The following STX18 variants were observed in gnomAD, a reference collection of about 807,000 sequenced individuals.
The protein encoded by STX18 is syntaxin 18.
In STX18, 40 loss-of-function variants were observed where a neutral mutation model predicts 50.1. The observed-to-expected ratio is 0.80, with a 90% CI of 0.62 to 1.04. The LOEUF (loss-of-function observed/expected upper bound fraction) is 1.04, where lower values mean the gene tolerates loss of function less well. STX18 is among the 50% of genes least tolerant of loss of function. The pLI is 0.00. For synonymous variants in STX18, 158 were observed against 151.8 expected (o/e 1.04, Z -0.30); for missense variants, 410 against 415.8 (o/e 0.99, Z 0.12).
chr4:4,532,463 C>G (rs952509693), intron 1 of STX18, among the ~76,000 whole-genome samples: 25 of 149,310 alleles, frequency 1.7e-4, no homozygotes, highest in African/African-American at 5.5e-4. Context: ...ACAACAACAA[C>G]AAACCAAAAC....
intron 2 of STX18, among the ~76,000 whole-genome samples, chr4:4,465,702 C>G (rs1727589345): frequency 6.6e-6 from 1 of 152,194 alleles, no homozygotes; most frequent in South Asian, 2.1e-4. Flanking sequence ...GTGCAGCAAA[C>G]CACCATGGCA....
intron 7 of STX18, chr4:4,425,437 T>C (rs1577309948): frequency 1.8e-5 from 11 of 602,762 alleles, no homozygotes; most frequent in South Asian, 1.6e-4. Flanking sequence ...TGCCTGGTAA[T>C]TGACTTCTCC....
At chr4:4,527,684 C>T (rs1007530699) in intron 1 of STX18, among the ~76,000 whole-genome samples, 3 of 151,174 alleles carry the variant, frequency 2.0e-5, no homozygotes, top group Non-Finnish European at 4.4e-5. Context: ...TGAACTGCCA[C>T]GTCACTGAGA....
At chr4:4,517,655 T>C (rs1449489503) in intron 1 of STX18, among the ~76,000 whole-genome samples, 2 of 152,214 alleles carry the variant, frequency 1.3e-5, no homozygotes, top group African/African-American at 4.8e-5. Flanking sequence ...ACCACACAGA[T>C]AATCTTGTGT....
chr4:4,483,273 G>A (rs2108852304), intron 1 of STX18, among the ~76,000 whole-genome samples: 1 of 151,984 alleles, frequency 6.6e-6, no homozygotes, highest in Non-Finnish European at 1.5e-5. Context: ...CAAAAACCTA[G>A]AATCTTAGTG....
rs548091214 is a variant in STX18 at position 4,484,200 on chromosome 4, G to A, written c.169-12494C>T. ...AATTTTTTATATGAAATACATCTGC[G>A]GCTTCTGGCCATACTTACTACCTCT... On this transcript the variant is annotated intron_variant, in intron 1 of 10. Transcript: ENST00000306200. Among the ~76,000 whole-genome samples, 6 of 152,218 alleles carry A rather than the reference G, an allele frequency of 3.9e-5. No homozygotes were observed. In the South Asian group the frequency reaches 8.3e-4, roughly 21 times the overall value.
At chr4:4,530,296 GT>G (rs531488995) in intron 1 of STX18, among the ~76,000 whole-genome samples, 157 of 151,958 alleles carry the variant, frequency 1.0e-3, no homozygotes, top group African/African-American at 3.5e-3. Flanking sequence ...CATGCCTAGA[GT>G]TTTTTGGGTT....
intron 1 of STX18, among the ~76,000 whole-genome samples, chr4:4,481,065 G>T (rs1442273904): frequency 1.3e-5 from 2 of 152,174 alleles, no homozygotes; most frequent in Non-Finnish European, 2.9e-5. Context: ...GTTTTTATGT[G>T]TCACCCACAG....
chr4:4,461,596 T>C (rs970366756), intron 2 of STX18, among the ~76,000 whole-genome samples: 6 of 152,206 alleles, frequency 3.9e-5, no homozygotes, highest in Non-Finnish European at 7.3e-5. Flanking sequence ...CATAAAATGT[T>C]CCTAGGAGCA....
At chr4:4,453,432 C>T (rs1262648907) in intron 5 of STX18, among the ~76,000 whole-genome samples, 2 of 152,188 alleles carry the variant, frequency 1.3e-5, no homozygotes, top group Non-Finnish European at 2.9e-5. Flanking sequence ...TCACCTAAGG[C>T]TCAGACAAAC....
At chr4:4,458,377 G>C in intron 3 of STX18, among the ~76,000 whole-genome samples, 1 of 152,142 alleles carries the variant, frequency 6.6e-6, no homozygotes, top group South Asian at 2.1e-4. Context: ...ATTTGTGTGG[G>C]GGACTCAGGA....
chr4:4,476,208 T>A (rs549201748), intron 1 of STX18: 67 of 152,322 alleles, frequency 4.4e-4, no homozygotes, highest in African/African-American at 1.6e-3. Flanking sequence ...ATTAAATATG[T>A]CTCCATCAGA....
At chr4:4,479,664 A>G (rs1303982803) in intron 1 of STX18, among the ~76,000 whole-genome samples, 3 of 152,238 alleles carry the variant, frequency 2.0e-5, no homozygotes, top group Non-Finnish European at 2.9e-5. Flanking sequence ...TTAACTAGCT[A>G]TATTTTAATG....
Position 4,420,929 on chromosome 4 carries a change from T to C in STX18, c.847A>G (p.Ser283Gly). The C allele has an allele frequency of 6.2e-7, 1 of 1,614,192 alleles. No individual in the cohort carries two copies. Among genetic ancestry groups the C allele is most frequent in the Admixed American group, 1.7e-5 (1 of 60,034 alleles). The change falls in exon 10 of 11, where the codon AGC becomes GGC. Residue 283 changes from serine (S) to glycine (G), a missense_variant. Ser to Gly is a moderately conservative substitution (Grantham distance 56). Transcript: ENST00000306200. This position sits in a 1 kb window ranked among gnomAD's most constrained non-coding sequence, Gnocchi z 4.3. ...KVLQQEAEID[S>G]IHQLVVGATE... ...GCCCCCACAACTAACTGGTGAATGC[T>C]GTCAATCTCAGCTTCCTGTGGAAGA...
At chr4:4,462,046 A>C (rs897065017) in intron 2 of STX18, 4 of 449,724 alleles carry the variant, frequency 8.9e-6, no homozygotes, top group African/African-American at 8.0e-5. Context: ...CAGAGTATCA[A>C]CAAGGCCACC....
chr4:4,531,963 G>A (rs1053976944), intron 1 of STX18, among the ~76,000 whole-genome samples: 40 of 152,240 alleles, frequency 2.6e-4, no homozygotes, highest in African/African-American at 9.6e-4. Context: ...ACTAGAAGCA[G>A]CCTAAATAGC....
intron 9 of STX18, among the ~76,000 whole-genome samples, 160 bp downstream of exon 9, chr4:4,423,358 A>G (rs773323896): frequency 6.6e-6 from 1 of 152,198 alleles, no homozygotes; most frequent in Non-Finnish European, 1.5e-5. Flanking sequence ...GGGTAGTGAG[A>G]GCTTTTCCCT....
chr4:4,438,082 A>G (rs1004084906), intron 6 of STX18, among the ~76,000 whole-genome samples: 9 of 152,168 alleles, frequency 5.9e-5, no homozygotes, highest in Non-Finnish European at 1.0e-4. Flanking sequence ...CAGGGAGGCA[A>G]TGCTGCCTCT....
chr4:4,509,365 G>C (rs1451542328), intron 1 of STX18, among the ~76,000 whole-genome samples: 1 of 151,826 alleles, frequency 6.6e-6, no homozygotes, highest in Non-Finnish European at 1.5e-5. Context: ...ATCTTCTTTT[G>C]AGAAGTGTCT....
Sources: gnomAD v4.1 joint callset for allele counts (sites outside exome capture counted in the v4.1 genomes callset) on GRCh38, gnomAD v4.1.1 for gene constraint, Gnocchi (gnomAD v3.1) non-coding constraint, MANE v1.5 for transcripts, NCBI Gene and HGNC (gene_info 2026-07-23, HGNC 2026-07-21) for gene names.